GFI1B: variants seen among roughly 807,000 people sequenced by gnomAD.
GFI1B encodes the protein zinc finger protein Gfi-1b.
In GFI1B, 20 loss-of-function variants were observed where a neutral mutation model predicts 35.3. The ratio of observed to expected loss-of-function variants is 0.57; its 90% CI spans 0.40 to 0.82. GFI1B has a LOEUF of 0.82. Ranked by LOEUF, GFI1B falls within the 40% of genes least tolerant of loss-of-function variation. The probability of loss-of-function intolerance (pLI) is 0.00; values close to 1 mark genes in which losing one functional copy is unlikely to be tolerated. For synonymous variants in GFI1B, 178 were observed against 177.6 expected, an observed-to-expected ratio of 1.00 and a Z score of -0.02; for missense variants, 430 against 446.3, an observed-to-expected ratio of 0.96 and a Z score of 0.33.
intron 1 of GFI1B, among the ~76,000 whole-genome samples, chr9:132,965,631 C>T (rs1848440366): frequency 6.6e-6 from 1 of 152,148 alleles, no homozygotes; most frequent in African/African-American, 2.4e-5. Context: ...GAGTGGGAGG[C>T]CCCATGAAGG....
intron 1 of GFI1B, chr9:132,962,508 G>A (rs1588412328): frequency 1.0e-5 from 5 of 501,166 alleles, no homozygotes; most frequent in South Asian, 4.5e-5. Flanking sequence ...TCTGCTTCTC[G>A]CCATGTCTTC....
chr9:132,975,118 C>G (rs1310495432), upstream of GFI1B: 2 of 152,162 alleles, frequency 1.3e-5, no homozygotes, highest in Admixed American at 6.5e-5. Flanking sequence ...CAACTCGCAT[C>G]TGGAAAAGTG....
Position 132,991,164 on chromosome 9 carries a change from A to G in GFI1B, c.*114A>G, listed in dbSNP as rs1849283220. 1 of 951,152 alleles carries G rather than the reference A, an allele frequency of 1.1e-6. No individual in the cohort carries two copies. Among genetic ancestry groups the G allele is most frequent in the South Asian group, 1.4e-5 (1 of 73,060 alleles). 58.9% of individuals were successfully genotyped at this position (951,152 alleles called of 1,614,324 possible). A position where few individuals can be genotyped will look rare whatever the true frequency, so the allele number is the denominator to read the frequency against. On this transcript the variant is annotated 3_prime_UTR_variant, in exon 7 of 7. Transcript: ENST00000372122. ...TGGAGGTGGGACTGGACAGGAGTCT[A>G]CCAGCTTGTTTTGAGACTCATGAAA... is the stretch of plus-strand genomic sequence containing the variant.
chr9:132,979,366 A>G (rs549814642), intron 1 of GFI1B, among the ~76,000 whole-genome samples: 6 of 149,400 alleles, frequency 4.0e-5, no homozygotes, highest in African/African-American at 7.4e-5. Context: ...CAGCCTCCCA[A>G]GTAGCTGGGA....
intron 1 of GFI1B, among the ~76,000 whole-genome samples, 160 bp from the exon 2 acceptor site, chr9:132,986,499 G>C (rs977307406): frequency 1.3e-5 from 2 of 152,166 alleles, no homozygotes; most frequent in African/African-American, 4.8e-5. Flanking sequence ...ACACCCTATT[G>C]CTAATAAGGT....
intron 1 of GFI1B, among the ~76,000 whole-genome samples, chr9:132,955,902 G>T (rs1019423759): frequency 4.6e-5 from 7 of 151,820 alleles, no homozygotes; most frequent in African/African-American, 1.7e-4. Flanking sequence ...AGGATGGGTT[G>T]CCAGGAACAG....
At chr9:132,992,177 C>T (rs756894226), downstream of GFI1B, among the ~76,000 whole-genome samples, 1 of 152,136 alleles carries the variant, frequency 6.6e-6, no homozygotes, top group African/African-American at 2.4e-5. Context: ...AAGCACATAA[C>T]TTGGATCTCT....
At chr9:132,986,629 C>T (rs1229004379) in intron 1 of GFI1B, 30 bp from the exon 2 acceptor site, 10 of 1,145,594 alleles carry the variant, frequency 8.7e-6, no homozygotes, top group African/African-American at 1.5e-5. Context: ...TCTTGTCCTT[C>T]CTAACCGCTC....
chr9:132,983,190 C>CTTTTTT (rs66711864), intron 1 of GFI1B, among the ~76,000 whole-genome samples: 2 of 98,620 alleles, frequency 2.0e-5, no homozygotes, highest in African/African-American at 8.4e-5. Flanking sequence ...TTTCTCCCTC[C>CTTTTTT]TTTTTTTTTT....
intron 1 of GFI1B, among the ~76,000 whole-genome samples, chr9:132,984,304 G>T (rs997677036): frequency 6.6e-6 from 1 of 152,118 alleles, no homozygotes; most frequent in Non-Finnish European, 1.5e-5. Context: ...TTAAAAGCGG[G>T]AAGGAAGGGG....
chr9:132,963,943 A>G (rs1848409701), intron 1 of GFI1B: 1 of 152,224 alleles, frequency 6.6e-6, no homozygotes, highest in South Asian at 2.1e-4. Flanking sequence ...AGTATTTTTA[A>G]AAACCTATAA....
chr9:132,957,930 C>T (rs185117587), intron 1 of GFI1B, among the ~76,000 whole-genome samples: 6 of 152,246 alleles, frequency 3.9e-5, no homozygotes, highest in Admixed American at 2.6e-4. Context: ...ATATATTTAC[C>T]TTCAGAATAA....
At chr9:132,973,987 T>C (rs1848579361), upstream of GFI1B, among the ~76,000 whole-genome samples, 2 of 152,110 alleles carry the variant, frequency 1.3e-5, no homozygotes, top group African/African-American at 4.8e-5. Context: ...ACCCTAGCAA[T>C]CTTTCTGAAA....
intron 1 of GFI1B, among the ~76,000 whole-genome samples, chr9:132,962,024 G>A (rs1453971855): frequency 6.6e-6 from 1 of 150,638 alleles, no homozygotes; most frequent in East Asian, 2.0e-4. Context: ...CATAATGTGT[G>A]CATTCTTTCT....
intron 1 of GFI1B, among the ~76,000 whole-genome samples, chr9:132,964,385 C>T (rs1848416729): frequency 6.6e-6 from 1 of 152,150 alleles, no homozygotes; most frequent in Admixed American, 6.6e-5. Flanking sequence ...GGCTCTTGGA[C>T]CCCTTCACTG....
chr9:132,960,134 C>T lies in GFI1B; in HGVS notation c.-700-12591C>T, dbSNP rs913353379. On this transcript the variant is annotated intron_variant, in intron 1 of 10. Coordinates refer to the GFI1B transcript ENST00000339463. The stretch of plus-strand genomic sequence containing the variant: ...CCTACAAAGTGCTGCAGGAGAAAGA[C>T]GTCAAAATTAGAGTGATGAGGGCAA... 1.4e-4 allele frequency among the ~76,000 whole-genome samples: 22 copies of T among 152,274 alleles called. No homozygotes were observed. In the East Asian group the frequency reaches 2.9e-3, roughly 20 times the overall value.
At chr9:132,959,255 T>C (rs951434318) in intron 1 of GFI1B, among the ~76,000 whole-genome samples, 1 of 152,138 alleles carries the variant, frequency 6.6e-6, no homozygotes, top group Non-Finnish European at 1.5e-5. Context: ...GAGTGAGTTC[T>C]CACGAGACCT....
In GFI1B at chr9:132,987,268, C is replaced by T. The variant is rs1297153018; in HGVS notation, c.101-14C>T. 14 of 1,613,036 alleles carry T rather than the reference C, an allele frequency of 8.7e-6. No individual in the cohort carries two copies. Among genetic ancestry groups the T allele is most frequent in the South Asian group, 2.2e-5 (2 of 90,822 alleles). On this transcript the variant is annotated splice_polypyrimidine_tract_variant and intron_variant, in intron 2 of 6. Coordinates refer to ENST00000372122, the MANE Select transcript of GFI1B (RefSeq NM_001377304.1). ...ACCGTGGCTATTGATGCTGATGGTC[C>T]TATCTCCCCACAGTGCCCAGAGACC...
rs1849149612 is a variant in GFI1B, at chr9:132,988,212, T to C, written c.254T>C (p.Leu85Pro). 2.5e-6 allele frequency: 4 copies of C among 1,614,122 alleles called. No individual in the cohort carries two copies. The East Asian group carries it at 6.7e-5, about 27-fold the overall frequency. ...ATCTCCACAGAGGGCCCCATTGTGC[T>C]GTCCCGACCCCAGGATGGGGACTCT... ...MAPAPEGPIVLSRPQDGDSPL... is the reference protein window; with the variant it reads ...MAPAPEGPIVPSRPQDGDSPL... Residue 85 changes from leucine (L) to proline (P), a missense_variant, in exon 4 of 7, where the codon CTG (leucine) becomes CCG (proline). Physicochemically the swap from Leu to Pro is moderately conservative, Grantham distance 98. Coordinates refer to ENST00000372122, the MANE Select transcript of GFI1B (RefSeq NM_001377304.1).
Sources: allele counts gnomAD v4.1 joint callset (sites outside exome capture counted in the v4.1 genomes callset), GRCh38; gene constraint gnomAD v4.1.1; transcripts MANE v1.5; gene names NCBI Gene and HGNC (gene_info 2026-07-23, HGNC 2026-07-21).